WDR72: variants seen among roughly 807,000 people sequenced by gnomAD.
WDR72 encodes WD repeat-containing protein 72.
WDR72 carries 120 observed loss-of-function variants against 124.2 expected under a neutral mutation model. The observed-to-expected ratio is 0.97, with a 90% CI of 0.83 to 1.12. The LOEUF (loss-of-function observed/expected upper bound fraction) is 1.12, where lower values mean the gene tolerates loss of function less well. Among genes scored for constraint, WDR72 ranks in the 50% most tolerant of loss-of-function variants. The pLI is 0.00. For missense variants in WDR72, 1,387 were observed against 1,278.8 expected (o/e 1.08, Z -1.29); for synonymous variants, 452 against 441.7 (o/e 1.02, Z -0.29).
chr15:53,621,430 G>GATAT (rs57355125), intron 14 of WDR72, among the ~76,000 whole-genome samples: 15,950 of 123,978 alleles, frequency 0.13, 1,155 homozygotes, highest in East Asian at 0.28. Flanking sequence ...AAGAAACTGT[G>GATAT]ATATATATAT....
intron 18 of WDR72, among the ~76,000 whole-genome samples, chr15:53,575,721 C>T (rs1048523082): frequency 1.3e-5 from 2 of 152,058 alleles, no homozygotes; most frequent in Non-Finnish European, 2.9e-5. Flanking sequence ...TTGGGCTCCT[C>T]CTAGATTTGG....
chr15:53,565,875 C>G (rs914166405), intron 18 of WDR72, among the ~76,000 whole-genome samples: 1 of 151,850 alleles, frequency 6.6e-6, no homozygotes, highest in Non-Finnish European at 1.5e-5. Flanking sequence ...ATGTCATTTG[C>G]AAAGCATAAG....
chr15:53,551,607 C>T (rs1283850007), intron 18 of WDR72, among the ~76,000 whole-genome samples: 1 of 152,052 alleles, frequency 6.6e-6, no homozygotes, highest in East Asian at 1.9e-4. Flanking sequence ...TGCAAACATA[C>T]AATTCTTATG....
chr15:53,560,380 G>A (rs1008598037), intron 18 of WDR72, among the ~76,000 whole-genome samples: 7 of 151,800 alleles, frequency 4.6e-5, no homozygotes, highest in African/African-American at 4.8e-5. Context: ...ACAGAATACC[G>A]CACTGGTTAG....
chr15:53,657,948 A>T (rs1046531165), intron 14 of WDR72, among the ~76,000 whole-genome samples: 1 of 152,212 alleles, frequency 6.6e-6, no homozygotes, highest in African/African-American at 2.4e-5. Flanking sequence ...GTTGATTAGT[A>T]ATAGGAAGAT....
intron 19 of WDR72, among the ~76,000 whole-genome samples, chr15:53,520,338 T>C (rs551999137): frequency 6.6e-5 from 10 of 152,200 alleles, no homozygotes; most frequent in Non-Finnish European, 1.2e-4. Flanking sequence ...GATAAAACCA[T>C]GTAAGTTCAA....
chr15:53,675,111 G>C (rs560246034), intron 13 of WDR72, among the ~76,000 whole-genome samples: 1 of 152,162 alleles, frequency 6.6e-6, no homozygotes, highest in South Asian at 2.1e-4. Context: ...TTGGGAGGCC[G>C]AAGCAGGCGG....
At chr15:53,539,904 C>A (rs1033154130) in intron 18 of WDR72, among the ~76,000 whole-genome samples, 3 of 151,722 alleles carry the variant, frequency 2.0e-5, no homozygotes, top group East Asian at 3.9e-4. Context: ...AAAGATACAT[C>A]AAAAACAAAG....
intron 13 of WDR72, among the ~76,000 whole-genome samples, chr15:53,683,326 C>T (rs960834147): frequency 2.6e-5 from 4 of 152,040 alleles, no homozygotes; most frequent in Non-Finnish European, 2.9e-5. Context: ...GTCATAGTAG[C>T]TAGAAGAGAT....
At chr15:53,668,962 A>AAGGAGG (rs1276815558) in intron 13 of WDR72, among the ~76,000 whole-genome samples, 4 of 15,558 alleles carry the variant, frequency 2.6e-4, no homozygotes, top group African/African-American at 3.4e-4. Context: ...GGAGGAGGAG[A>AAGGAGG]AGGAGGAGGA....
intron 15 of WDR72, among the ~76,000 whole-genome samples, chr15:53,615,137 A>G (rs974611419): frequency 1.3e-5 from 2 of 151,972 alleles, no homozygotes; most frequent in Non-Finnish European, 2.9e-5. Context: ...TCTATCTATC[A>G]ACTCATTCAA....
At chr15:53,702,573 C>T (rs1297647018) in intron 11 of WDR72, among the ~76,000 whole-genome samples, 4 of 152,122 alleles carry the variant, frequency 2.6e-5, no homozygotes, top group African/African-American at 9.7e-5. Flanking sequence ...GTTAGTTGTT[C>T]AAAGTCTATT....
In WDR72 at chr15:53,732,970, G is replaced by C. The variant is rs772494494; in HGVS notation, c.153+27C>G. On this transcript the variant is annotated intron_variant, in intron 2 of 19. Transcript: ENST00000360509. ...TGTCCGTATTTTGTGAGTGGTGTCT[G>C]TTTCAATATCAGTAGCTTTCACTAA... 34 of 1,613,762 alleles carry C rather than the reference G, an allele frequency of 2.1e-5. 1 individual carries two copies. In the South Asian group the frequency reaches 3.7e-4, roughly 18 times the overall value.
chr15:53,588,194 T>C (rs1163927852), intron 18 of WDR72, among the ~76,000 whole-genome samples: 5 of 152,054 alleles, frequency 3.3e-5, no homozygotes, highest in Admixed American at 3.3e-4. Context: ...TCTGTCATTG[T>C]CATTTATTAC....
At chr15:53,622,157 C>G (rs1197391029) in intron 14 of WDR72, among the ~76,000 whole-genome samples, 1 of 151,144 alleles carries the variant, frequency 6.6e-6, no homozygotes, top group African/African-American at 2.4e-5. Context: ...AAAATAGGAA[C>G]AGCTTTTACA....
At chr15:53,589,809 T>C (rs1160005013) in intron 18 of WDR72, among the ~76,000 whole-genome samples, 1 of 151,898 alleles carries the variant, frequency 6.6e-6, no homozygotes, top group Non-Finnish European at 1.5e-5. Context: ...AAGATGAAAA[T>C]CATCAATCTC....
In WDR72 at chr15:53,693,418, CT is replaced by C. The variant is rs2016904746; in HGVS notation, c.1765+6331del. ...TGTCTTGCACATATTCTACATACCC[CT>C]CACTGTAAACTATTAAAGCAAACTC... On this transcript the variant is annotated intron_variant, in intron 13 of 19. Transcript: ENST00000360509. 3.3e-5 allele frequency among the ~76,000 whole-genome samples: 5 copies of C among 152,278 alleles called. No individual in the cohort carries two copies. In the South Asian group the frequency reaches 1.0e-3, roughly 32 times the overall value.
At chr15:53,539,168 C>G (rs778134375) in intron 18 of WDR72, among the ~76,000 whole-genome samples, 4 of 152,044 alleles carry the variant, frequency 2.6e-5, no homozygotes, top group Admixed American at 6.5e-5. Context: ...ACTAGAAAGG[C>G]TGCAAGTTAA....
intron 16 of WDR72, among the ~76,000 whole-genome samples, chr15:53,612,559 TG>T (rs111667849): frequency 0.015 from 2,231 of 151,972 alleles, 53 homozygotes; most frequent in African/African-American, 0.051. Context: ...TTGTCATGCT[TG>T]GGTAAGAGTA....
Sources: gnomAD v4.1 joint callset for allele counts (sites outside exome capture counted in the v4.1 genomes callset) on GRCh38, gnomAD v4.1.1 for gene constraint, MANE v1.5 for transcripts, NCBI Gene and HGNC (gene_info 2026-07-23, HGNC 2026-07-21) for gene names.